TRNAU1AP: variants seen among roughly 807,000 people sequenced by gnomAD.
TRNAU1AP encodes the protein tRNA selenocysteine 1-associated protein 1.
A neutral mutation model predicts 43.3 loss-of-function variants in TRNAU1AP; 33 were observed. That is an observed-to-expected ratio of 0.76 (90% CI 0.58 to 1.02). The LOEUF is 1.02. Among genes scored for constraint, TRNAU1AP ranks in the 50% least tolerant of loss-of-function variants. The pLI is 0.00. For missense variants in TRNAU1AP, 290 were observed against 362.7 expected, an observed-to-expected ratio of 0.80 and a Z score of 1.63; for synonymous variants, 143 against 129.1, an observed-to-expected ratio of 1.11 and a Z score of -0.73.
chr1:28,566,344 G>A (rs1196137124), intron 5 of TRNAU1AP, among the ~76,000 whole-genome samples: 2 of 151,036 alleles, frequency 1.3e-5, no homozygotes, highest in South Asian at 2.1e-4. Flanking sequence ...AGAGCCGGGC[G>A]TGGTGGCTGA....
intron 8 of TRNAU1AP, 33 bp downstream of exon 8, chr1:28,571,933 C>CCCAGAGGTGTAAGTGTAG: frequency 6.3e-7 from 1 of 1,595,112 alleles, no homozygotes; most frequent in Non-Finnish European, 8.6e-7. Context: ...CTCTGTCAGC[C>CCCAGAGGTGTAAGTGTAG]ATTATCAGGT....
At chr1:28,562,111 T>C (rs1315686723) in intron 4 of TRNAU1AP, among the ~76,000 whole-genome samples, 1 of 152,214 alleles carries the variant, frequency 6.6e-6, no homozygotes, top group Non-Finnish European at 1.5e-5. Flanking sequence ...ATTGACCTGT[T>C]ATAGCAACAT....
At position 28,570,636 on chromosome 1, in the gene TRNAU1AP, A is replaced by G. The variant is rs540866961; in HGVS notation, c.531-540A>G. ...AAGAGAGACAAACCTATCCATTAAA[A>G]TCTCCTGTATTAAAAGCATGGTCTC... On this transcript the variant is annotated intron_variant, in intron 6 of 8. Transcript: ENST00000373830. 2.0e-5 allele frequency among the ~76,000 whole-genome samples: 3 copies of G among 151,412 alleles called. No homozygotes were observed. In the South Asian group the frequency reaches 6.3e-4, roughly 32 times the overall value.
chr1:28,575,146 CTT>C (rs1665745952), intron 8 of TRNAU1AP, among the ~76,000 whole-genome samples: 1 of 152,096 alleles, frequency 6.6e-6, no homozygotes, highest in Non-Finnish European at 1.5e-5. Flanking sequence ...TTTCCAATCT[CTT>C]TTTAATCCTT....
chr1:28,555,571 C>T (rs541413984), intron 2 of TRNAU1AP, among the ~76,000 whole-genome samples: 62 of 150,510 alleles, frequency 4.1e-4, no homozygotes, highest in African/African-American at 1.3e-3. Context: ...GATCTTGGCT[C>T]ACTGAAAGCT....
At chr1:28,559,259 G>A (rs1456469479) in intron 2 of TRNAU1AP, among the ~76,000 whole-genome samples, 2 of 151,900 alleles carry the variant, frequency 1.3e-5, no homozygotes, top group East Asian at 3.9e-4. Flanking sequence ...CTCTTTTAAT[G>A]TATAAAAGCC....
At chr1:28,570,002 A>G (rs903517434) in intron 6 of TRNAU1AP, among the ~76,000 whole-genome samples, 9 of 149,518 alleles carry the variant, frequency 6.0e-5, no homozygotes, top group African/African-American at 1.8e-4. Flanking sequence ...CTCTCTCAAA[A>G]CAACAACAAA....
chr1:28,566,796 G>A lies in TRNAU1AP; in HGVS notation c.411-498G>A, dbSNP rs144512037. Among the ~76,000 whole-genome samples the A allele has an allele frequency of 7.5e-4, 113 of 151,618 alleles. 1 individual carries two copies. The highest frequency in any genetic ancestry group is 2.3e-3 in the African/African-American group (94 of 41,410). On this transcript the variant is annotated intron_variant, in intron 5 of 8. Coordinates refer to ENST00000373830, the MANE Select transcript of TRNAU1AP (RefSeq NM_017846.5). ...AAAAAAGAGAGAGAAAATGCTCTGC[G>A]CAGTGCTAGGGAAATAAATATTTAT... is the stretch of plus-strand genomic sequence containing the variant.
intron 6 of TRNAU1AP, among the ~76,000 whole-genome samples, chr1:28,570,624 C>T (rs991533631): frequency 2.0e-5 from 3 of 151,780 alleles, no homozygotes; most frequent in Admixed American, 6.6e-5. Flanking sequence ...AGAGACAAAC[C>T]TATCCATTAA....
At chr1:28,577,070 G>T (rs1349988858) in intron 8 of TRNAU1AP, among the ~76,000 whole-genome samples, 4 of 152,116 alleles carry the variant, frequency 2.6e-5, no homozygotes, top group Non-Finnish European at 4.4e-5. Flanking sequence ...TTTCTCTAAA[G>T]TACATACACA....
intron 8 of TRNAU1AP, among the ~76,000 whole-genome samples, chr1:28,576,209 A>G (rs1388833563): frequency 2.7e-5 from 4 of 148,506 alleles, no homozygotes; most frequent in Non-Finnish European, 5.9e-5. Flanking sequence ...ACTTGAGATC[A>G]GTGATGTGAA....
At chr1:28,557,469 C>CTTTTT (rs753718490) in intron 2 of TRNAU1AP, among the ~76,000 whole-genome samples, 21 of 118,102 alleles carry the variant, frequency 1.8e-4, no homozygotes, top group African/African-American at 2.4e-4. Context: ...TTACATGTTT[C>CTTTTT]TTTTTTTTTT....
chr1:28,554,561 G>A lies in TRNAU1AP; in HGVS notation c.125+824G>A, dbSNP rs576891896. Among the ~76,000 whole-genome samples, 21 of 152,194 alleles carry A rather than the reference G, an allele frequency of 1.4e-4. No homozygotes were observed. The South Asian group carries it at 4.1e-3, about 30-fold the overall frequency. On this transcript the variant is annotated intron_variant, in intron 2 of 8. Coordinates refer to ENST00000373830, the MANE Select transcript of TRNAU1AP (RefSeq NM_017846.5). The stretch of plus-strand genomic sequence containing the variant: ...ATAACTTGAAGAGTTACAATAAATA[G>A]CCGGGCGCAGTGGCTCTCGCCTGTA...
chr1:28,553,100 G>A lies in TRNAU1AP; in HGVS notation c.-11G>A. Reference sequence around the variant, plus strand: ...AGCCCCGCCCGCAAAGCCCCACCCCGGTGCGCGGGTATGGCGGCCAGCCTG... The same window carrying A: ...AGCCCCGCCCGCAAAGCCCCACCCCAGTGCGCGGGTATGGCGGCCAGCCTG... On this transcript the variant is annotated 5_prime_UTR_variant, in exon 1 of 9. Coordinates refer to ENST00000373830, the MANE Select transcript of TRNAU1AP (RefSeq NM_017846.5). 2 of 1,523,148 alleles carry A rather than the reference G, an allele frequency of 1.3e-6. No individual in the cohort carries two copies. Among genetic ancestry groups the A allele is most frequent in the South Asian group, 1.2e-5 (1 of 81,976 alleles). 94.4% of individuals were successfully genotyped at this position (1,523,148 alleles called of 1,614,324 possible).
intron 5 of TRNAU1AP, 124 bp from the exon 6 acceptor site, chr1:28,567,170 C>A: frequency 9.7e-7 from 1 of 1,028,804 alleles, no homozygotes; most frequent in Non-Finnish European, 1.4e-6. Flanking sequence ...CTCTCTCTTT[C>A]TCTTCTCAGC....
intron 8 of TRNAU1AP, among the ~76,000 whole-genome samples, chr1:28,573,186 A>G (rs1345543252): frequency 1.3e-5 from 2 of 150,146 alleles, no homozygotes; most frequent in African/African-American, 4.8e-5. Flanking sequence ...GGCACATGCC[A>G]CCACGCCCAG....
Position 28,560,627 on chromosome 1 carries a change from T to G in TRNAU1AP, c.126-6T>G. The G allele has an allele frequency of 6.2e-7, 1 of 1,613,062 alleles. No homozygotes were observed. Among genetic ancestry groups the G allele is most frequent in the Non-Finnish European group, 8.5e-7 (1 of 1,179,280 alleles). ...CATTTTCTTTCTCTATTTGCTTTTT[T>G]TCCAGGATCCCAGCTGGCTACTGCT... On this transcript the variant is annotated splice_region_variant and splice_polypyrimidine_tract_variant and intron_variant, in intron 2 of 8. Coordinates refer to ENST00000373830, the MANE Select transcript of TRNAU1AP (RefSeq NM_017846.5).
At chr1:28,558,961 A>C (rs987424423) in intron 2 of TRNAU1AP, among the ~76,000 whole-genome samples, 12 of 152,132 alleles carry the variant, frequency 7.9e-5, no homozygotes, top group Non-Finnish European at 1.5e-4. Context: ...TCTACATTTA[A>C]ATTTTTATAA....
intron 2 of TRNAU1AP, among the ~76,000 whole-genome samples, chr1:28,559,322 G>T (rs1255547895): frequency 6.6e-6 from 1 of 152,020 alleles, no homozygotes; most frequent in Non-Finnish European, 1.5e-5. Context: ...AAGACTAGTT[G>T]TCTTTATAAG....
Sources: allele counts gnomAD v4.1 joint callset (sites outside exome capture counted in the v4.1 genomes callset), GRCh38; gene constraint gnomAD v4.1.1; transcripts MANE v1.5; gene names NCBI Gene and HGNC (gene_info 2026-07-23, HGNC 2026-07-21).